Variants in STAG1 observed in about 807,000 individuals in gnomAD.
STAG1 encodes the protein STAG1 cohesin complex component.
STAG1 carries 26 observed loss-of-function variants against 170.9 expected under a neutral mutation model. The ratio of observed to expected loss-of-function variants is 0.15; its 90% CI spans 0.11 to 0.21. The LOEUF is 0.21. STAG1 is among the 10% of genes least tolerant of loss of function. STAG1 has a pLI of 1.00. For synonymous variants in STAG1, 514 were observed against 497.7 expected (o/e 1.03, Z -0.44); for missense variants, 964 against 1,509.5 (o/e 0.64, Z 5.99).
chr3:136,382,982 T>C lies in STAG1; in HGVS notation c.2278-5230A>G, dbSNP rs544029007. Among the ~76,000 whole-genome samples, 5 of 152,302 alleles carry C rather than the reference T, an allele frequency of 3.3e-5. No homozygotes were observed. In the South Asian group the frequency reaches 1.0e-3, roughly 32 times the overall value. ...GAAGATAATTTAGGTTCCTGAAAAT[T>C]TCAGAACTCAGTGCTTTTATTCATC... On this transcript the variant is annotated intron_variant, in intron 22 of 33. Coordinates refer to ENST00000383202, the MANE Select transcript of STAG1 (RefSeq NM_005862.3).
intron 8 of STAG1, among the ~76,000 whole-genome samples, chr3:136,501,379 G>T (rs923665258): frequency 6.6e-6 from 1 of 152,176 alleles, no homozygotes; most frequent in South Asian, 2.1e-4. Context: ...GACTGTGGCA[G>T]ATTTAATTCA....
In STAG1 at chr3:136,583,449, G is replaced by A. The variant is rs143074232; in HGVS notation, c.298-14588C>T. ...AAGCCAAGTATAATTAAAATAATTT[G>A]TAGAACAATATACTGACATAAATCA... On this transcript the variant is annotated intron_variant, in intron 4 of 33. Coordinates refer to ENST00000383202, the MANE Select transcript of STAG1 (RefSeq NM_005862.3). Among the ~76,000 whole-genome samples, 467 of 152,130 alleles carry A rather than the reference G, an allele frequency of 3.1e-3. 6 individuals are homozygous for A. The East Asian group carries it at 0.045, about 15-fold the overall frequency.
At chr3:136,382,034 T>C (rs919870503) in intron 22 of STAG1, among the ~76,000 whole-genome samples, 2 of 152,206 alleles carry the variant, frequency 1.3e-5, no homozygotes, top group African/African-American at 4.8e-5. Context: ...GAAATGTTGG[T>C]ATACTTAATA....
At chr3:136,488,422 C>G (rs1388565898) in intron 9 of STAG1, among the ~76,000 whole-genome samples, 2 of 152,328 alleles carry the variant, frequency 1.3e-5, no homozygotes, top group East Asian at 3.9e-4. Context: ...TGCCCCCAGC[C>G]TGAGATAAAT....
At chr3:136,385,102 C>T (rs1346075467) in intron 22 of STAG1, among the ~76,000 whole-genome samples, 2 of 152,072 alleles carry the variant, frequency 1.3e-5, no homozygotes, top group Non-Finnish European at 2.9e-5. Flanking sequence ...TTTTCTTTTT[C>T]CTAAATGAAA....
At chr3:136,393,503 T>A (rs2087065850) in intron 22 of STAG1, among the ~76,000 whole-genome samples, 1 of 151,760 alleles carries the variant, frequency 6.6e-6, no homozygotes, top group Non-Finnish European at 1.5e-5. Context: ...CAAGATTCTG[T>A]CTCAAAACAA....
chr3:136,526,299 T>C (rs1008574759), intron 6 of STAG1, among the ~76,000 whole-genome samples: 3 of 152,228 alleles, frequency 2.0e-5, no homozygotes, highest in Non-Finnish European at 4.4e-5. Context: ...TGAATATATA[T>C]TTAGGATAGT....
intron 6 of STAG1, among the ~76,000 whole-genome samples, chr3:136,530,738 C>T (rs374514569): frequency 6.6e-6 from 1 of 152,002 alleles, no homozygotes; most frequent in South Asian, 2.1e-4. Flanking sequence ...CACAACATAC[C>T]AAAACCTGTG....
Position 136,612,914 on chromosome 3 carries a change from T to TG in STAG1, c.133-8442dup, listed in dbSNP as rs535789846. Among the ~76,000 whole-genome samples the TG allele has an allele frequency of 2.6e-5, 4 of 152,330 alleles. No individual in the cohort carries two copies. In the East Asian group the frequency reaches 7.7e-4, roughly 29 times the overall value. ...TGTATATACCTAGAGGTATAACTGC[T>TG]GGAACTTTGAGTAAGACTATGTTTA... On this transcript the variant is annotated intron_variant, in intron 3 of 33. Coordinates refer to ENST00000383202, the MANE Select transcript of STAG1 (RefSeq NM_005862.3).
intron 13 of STAG1, among the ~76,000 whole-genome samples, chr3:136,454,869 G>A (rs952694962): frequency 7.2e-5 from 11 of 152,118 alleles, no homozygotes; most frequent in African/African-American, 1.4e-4. Flanking sequence ...GACACTATAC[G>A]TGTGTGGATG....
intron 23 of STAG1, among the ~76,000 whole-genome samples, chr3:136,375,328 C>G (rs922338940): frequency 6.6e-6 from 1 of 152,166 alleles, no homozygotes; most frequent in Non-Finnish European, 1.5e-5. Flanking sequence ...ATAAATGGGT[C>G]TGATCAGTTT....
chr3:136,548,417 G>GT (rs1936249504), intron 5 of STAG1, among the ~76,000 whole-genome samples: 2 of 152,094 alleles, frequency 1.3e-5, no homozygotes, highest in African/African-American at 2.4e-5. Context: ...CCCAGCTGAT[G>GT]TTTTAACTAC....
chr3:136,656,332 A>G (rs1576722639), intron 1 of STAG1, among the ~76,000 whole-genome samples: 1 of 152,172 alleles, frequency 6.6e-6, no homozygotes. Context: ...CAAGATGAAA[A>G]AGAGTCCTGG....
At chr3:136,400,898 A>G (rs1008237271) in intron 21 of STAG1, among the ~76,000 whole-genome samples, 3 of 152,072 alleles carry the variant, frequency 2.0e-5, no homozygotes, top group African/African-American at 7.2e-5. Context: ...ATTTTTGCAA[A>G]TCTCTTTAAT....
In STAG1 at chr3:136,338,467, G is replaced by A; in HGVS notation, c.3673-17C>T. On this transcript the variant is annotated splice_polypyrimidine_tract_variant and intron_variant, in intron 32 of 33. Transcript: ENST00000383202. ...TGATGGAGGCTGGAAAGAGAAATCG[G>A]TTTCTTAATTTTTTTCTGAGATCAT... is the stretch of plus-strand genomic sequence containing the variant. 1 of 1,603,708 alleles carries A rather than the reference G, an allele frequency of 6.2e-7. No homozygotes were observed. Among genetic ancestry groups the A allele is most frequent in the Non-Finnish European group, 8.5e-7 (1 of 1,171,484 alleles).
At chr3:136,703,066 CAAAAAAAA>C (rs1157305676) in intron 1 of STAG1, among the ~76,000 whole-genome samples, 1 of 75,732 alleles carries the variant, frequency 1.3e-5, no homozygotes, top group South Asian at 4.3e-4. Flanking sequence ...GACTCCATCT[CAAAAAAAA>C]AAAAAAAAAA....
At chr3:136,552,394 T>C (rs1936443150) in intron 5 of STAG1, among the ~76,000 whole-genome samples, 2 of 152,224 alleles carry the variant, frequency 1.3e-5, no homozygotes, top group African/African-American at 2.4e-5. Flanking sequence ...TATAATGATA[T>C]TGTAAACAAT....
intron 7 of STAG1, among the ~76,000 whole-genome samples, chr3:136,512,618 C>T (rs781445197): frequency 3.3e-5 from 5 of 152,084 alleles, no homozygotes; most frequent in Non-Finnish European, 7.4e-5. Flanking sequence ...TTTCTTCATT[C>T]TATCTAACTC....
chr3:136,502,476 T>C (rs2107866938), intron 8 of STAG1, 152 bp downstream of exon 8: 2 of 752,820 alleles, frequency 2.7e-6, no homozygotes, highest in Non-Finnish European at 4.1e-6. Flanking sequence ...TGATCACCAA[T>C]GAACACTCCA....
Sources: gnomAD v4.1 joint callset for allele counts (sites outside exome capture counted in the v4.1 genomes callset) on GRCh38, gnomAD v4.1.1 for gene constraint, MANE v1.5 for transcripts, NCBI Gene and HGNC (gene_info 2026-07-23, HGNC 2026-07-21) for gene names.